AKAP9: variants seen among roughly 807,000 people sequenced by gnomAD.
The protein encoded by AKAP9 is A-kinase anchoring protein 9.
AKAP9 carries 311 observed loss-of-function variants against 488.5 expected under a neutral mutation model. The ratio of observed to expected loss-of-function variants is 0.64; its 90% CI spans 0.58 to 0.70. The LOEUF is 0.70. Ranked by LOEUF, AKAP9 falls within the 30% of genes least tolerant of loss-of-function variation. The pLI, the probability that AKAP9 is intolerant of heterozygous loss-of-function variation, is 0.00. For synonymous variants in AKAP9, 1,462 were observed against 1,483.5 expected, an observed-to-expected ratio of 0.99 and a Z score of 0.33; for missense variants, 4,215 against 4,374.5, an observed-to-expected ratio of 0.96 and a Z score of 1.03.
chr7:92,085,497 A>T lies in AKAP9; in HGVS notation c.8835A>T (p.Gly2945=), dbSNP rs1180881855. The T allele has an allele frequency of 6.2e-7, 1 of 1,613,852 alleles. No homozygotes were observed. Among genetic ancestry groups the T allele is most frequent in the African/African-American group, 1.3e-5 (1 of 74,892 alleles). ...GGCTCTTGGGTTTTGGTTTCCAGGGATTACTGAGAGCTGTCCATAATGAAG... is the reference window on the plus strand; with the variant it reads ...GGCTCTTGGGTTTTGGTTTCCAGGGTTTACTGAGAGCTGTCCATAATGAAG... ...ATDSFPKKIK[G]LLRAVHNEGM... Residue 2945 remains glycine, a splice_region_variant and synonymous_variant, in exon 36 of 50, where the codon GGA becomes GGT. Transcript: ENST00000356239.
chr7:91,961,255 G>C (rs1473053913), intron 1 of AKAP9, among the ~76,000 whole-genome samples: 1 of 151,892 alleles, frequency 6.6e-6, no homozygotes, highest in African/African-American at 2.4e-5. Context: ...CGCCTCCCGG[G>C]TTCAAGTGAT....
At chr7:92,099,610 G>C in intron 43 of AKAP9, 77 bp from the exon 44 acceptor site, 1 of 1,347,974 alleles carries the variant, frequency 7.4e-7, no homozygotes, top group Non-Finnish European at 1.1e-6. Context: ...TGTTGTTCTC[G>C]GTGCCTATTC....
chr7:92,055,544 C>T (rs1157165115), intron 22 of AKAP9, among the ~76,000 whole-genome samples: 9 of 151,986 alleles, frequency 5.9e-5, no homozygotes, highest in Non-Finnish European at 1.0e-4. Flanking sequence ...TTAAGTAAAG[C>T]TATTTTGTTT....
At chr7:92,027,859 A>G (rs1178668995) in intron 14 of AKAP9, among the ~76,000 whole-genome samples, 1 of 152,224 alleles carries the variant, frequency 6.6e-6, no homozygotes, top group Non-Finnish European at 1.5e-5. Context: ...AAAAGGGGGA[A>G]ATATGGGGAA....
chr7:91,944,837 A>C (rs1165320583), intron 1 of AKAP9, among the ~76,000 whole-genome samples: 1 of 152,348 alleles, frequency 6.6e-6, no homozygotes. Context: ...TGTAATTGCT[A>C]TTTCAGTGCA....
At chr7:91,942,204 TCTC>T (rs1218114197) in intron 1 of AKAP9, among the ~76,000 whole-genome samples, 2 of 152,032 alleles carry the variant, frequency 1.3e-5, no homozygotes, top group African/African-American at 4.8e-5. Context: ...TCCTTTCTCT[TCTC>T]CTCACATAAA....
intron 2 of AKAP9, among the ~76,000 whole-genome samples, chr7:91,979,700 A>G (rs919123644): frequency 1.3e-5 from 2 of 152,214 alleles, no homozygotes; most frequent in Non-Finnish European, 2.9e-5. Flanking sequence ...GCATACTGCC[A>G]TAATGTATGA....
intron 4 of AKAP9, 54 bp downstream of exon 4, chr7:91,992,265 T>C: frequency 7.4e-7 from 1 of 1,345,720 alleles, no homozygotes; most frequent in Non-Finnish European, 1.1e-6. Context: ...TTTAAAATCA[T>C]CTGGCTTACT....
intron 16 of AKAP9, among the ~76,000 whole-genome samples, chr7:92,032,126 A>G (rs1804359222): frequency 6.6e-6 from 1 of 152,112 alleles, no homozygotes; most frequent in African/African-American, 2.4e-5. Context: ...TTAGCCATAT[A>G]CCCTAGTGTA....
chr7:91,959,727 A>T (rs1019886946), intron 1 of AKAP9, among the ~76,000 whole-genome samples: 2 of 151,598 alleles, frequency 1.3e-5, no homozygotes, highest in Non-Finnish European at 2.9e-5. Flanking sequence ...ACCTTTATTT[A>T]AAAAAAAATT....
Position 92,080,071 on chromosome 7 carries a change from A to G in AKAP9, c.7938A>G (p.Leu2646=), listed in dbSNP as rs1307244743. ...VLEKEKKLLE[L]QKLLEGNEKK... ...AAAAAGAAAAGAAGCTGCTAGAACT[A>G]CAGAAGCTATTGGAGGGCAATGAGA... is the stretch of plus-strand genomic sequence containing the variant. The change falls in exon 31 of 50, where the codon CTA becomes CTG. Residue 2646 remains leucine (L), a synonymous_variant. Transcript: ENST00000356239. The G allele has an allele frequency of 3.8e-6, 6 of 1,575,494 alleles. No individual in the cohort carries two copies. In the Admixed American group the frequency reaches 6.3e-5, roughly 17 times the overall value.
At chr7:92,063,432 CTTTT>C (rs35933206) in intron 24 of AKAP9, 34 of 902,788 alleles carry the variant, frequency 3.8e-5, no homozygotes, top group South Asian at 1.5e-4. Context: ...TTTGTTGTGT[CTTTT>C]TTTTTTTTTT....
intron 39 of AKAP9, among the ~76,000 whole-genome samples, chr7:92,094,588 A>G (rs892567813): frequency 6.6e-6 from 1 of 152,144 alleles, no homozygotes; most frequent in East Asian, 1.9e-4. Context: ...TAATCCGAGC[A>G]CTTTGGGAGG....
chr7:91,950,264 C>T (rs1413416084), intron 1 of AKAP9, among the ~76,000 whole-genome samples: 2 of 140,202 alleles, frequency 1.4e-5, no homozygotes, highest in African/African-American at 5.3e-5. Context: ...GAGTCTTGCT[C>T]TGTCACCCAG....
At chr7:92,030,096 A>G in intron 15 of AKAP9, 105 bp downstream of exon 15, 1 of 792,654 alleles carries the variant, frequency 1.3e-6, no homozygotes, top group Non-Finnish European at 2.1e-6. Context: ...AGAAGTAAGC[A>G]TAATAAATAT....
At position 92,083,691 on chromosome 7, in the gene AKAP9, G is replaced by A. The variant is rs1814007545; in HGVS notation, c.8646+36G>A. The stretch of plus-strand genomic sequence containing the variant: ...TTTATAATATGTGTTTTTCAACATT[G>A]TGTGGTTTTTTAAAAAAAAAAAATC... On this transcript the variant is annotated intron_variant, in intron 33 of 49. Coordinates refer to ENST00000356239, the MANE Select transcript of AKAP9 (RefSeq NM_005751.5). The A allele has an allele frequency of 1.9e-6, 3 of 1,582,242 alleles. No individual in the cohort carries two copies. In the South Asian group the frequency reaches 3.4e-5, roughly 18 times the overall value.
chr7:92,002,156 G>A lies in AKAP9; in HGVS notation c.2239G>A (p.Glu747Lys), dbSNP rs529180209. 20 of 1,592,356 alleles carry A rather than the reference G, an allele frequency of 1.3e-5. No homozygotes were observed. The Admixed American group carries it at 2.0e-4, about 16-fold the overall frequency. Residue 747 changes from glutamate (E) to lysine (K), a missense_variant, in exon 8 of 50, where the codon GAA becomes AAA. Glu to Lys is a moderately conservative substitution (Grantham distance 56, BLOSUM62 1). This residue lies in a region of AKAP9 where 2,361 missense variants were observed against 2,430.0 expected (regional missense o/e 0.97). Transcript: ENST00000356239. The part of the protein sequence containing the change: ...EKGTLEQEVQ[E>K]LQLKTELLEK... ...GGGTACACTTGAACAAGAAGTTCAA[G>A]AATTACAACTTAAAACAGAATTGTT...
chr7:92,087,892 T>C (rs1814869246), intron 37 of AKAP9, among the ~76,000 whole-genome samples: 1 of 150,674 alleles, frequency 6.6e-6, no homozygotes, highest in African/African-American at 2.4e-5. Context: ...AATAAATATA[T>C]ATATAAATAA....
chr7:91,944,919 T>C (rs1294072808), intron 1 of AKAP9, among the ~76,000 whole-genome samples: 1 of 152,248 alleles, frequency 6.6e-6, no homozygotes, highest in Non-Finnish European at 1.5e-5. Flanking sequence ...GTTGTGCTTA[T>C]TCTTTCCTTG....
Sources: allele counts gnomAD v4.1 joint callset (sites outside exome capture counted in the v4.1 genomes callset), GRCh38; gene constraint gnomAD v4.1.1; regional missense constraint gnomAD v4.1.1; transcripts MANE v1.5; gene names NCBI Gene and HGNC (gene_info 2026-07-23, HGNC 2026-07-21).